SCRIB: variants seen among roughly 807,000 people sequenced by gnomAD.
SCRIB encodes scribble planar cell polarity protein.
Under a neutral mutation model 170.0 loss-of-function variants are expected in SCRIB, and 72 were observed. The observed-to-expected ratio is 0.42, with a 90% confidence interval of 0.35 to 0.52. SCRIB has a LOEUF of 0.52. SCRIB is among the 20% of genes least tolerant of loss of function. The pLI, the probability that SCRIB is intolerant of heterozygous loss-of-function variation, is 0.02. For synonymous variants in SCRIB, 1,298 were observed against 1,044.3 expected (o/e 1.24, Z -4.68); for missense variants, 2,475 against 2,338.5 (o/e 1.06, Z -1.20).
intron 6 of SCRIB, 37 bp downstream of exon 6, chr8:143,813,274 C>T (rs758580140): frequency 9.9e-6 from 16 of 1,611,798 alleles, no homozygotes; most frequent in Admixed American, 3.3e-5. Context: ...TTCCGTGGCC[C>T]GCCCTCCGGT....
intron 9 of SCRIB, 43 bp from the exon 10 acceptor site, chr8:143,811,388 G>C (rs1279008278): frequency 1.3e-6 from 2 of 1,566,128 alleles, no homozygotes; most frequent in African/African-American, 2.7e-5. Flanking sequence ...GGGCTTGCTG[G>C]GGGTGGGAAG....
At position 143,804,751 on chromosome 8, in the gene SCRIB, G is replaced by A. The variant is rs782228848; in HGVS notation, c.2826C>T (p.Ile942=). The change falls in exon 21 of 37, where the codon ATC becomes ATT. Residue 942 remains isoleucine (I), a synonymous_variant. Transcript: ENST00000356994. The stretch of plus-strand genomic sequence containing the variant: ...CAGCCTCCCGCTCCAACAGCAGGGC[G>A]ATGGTGGGGGAGGCAGCGGTCAGCA... ...VSLLTAASPT[I]ALLLEREAGG... 11 of 1,603,838 alleles carry A rather than the reference G, an allele frequency of 6.9e-6. 1 individual carries two copies. Among genetic ancestry groups the A allele is most frequent in the South Asian group, 4.5e-5 (4 of 89,818 alleles).
Position 143,813,983 on chromosome 8 carries a change from C to G in SCRIB, c.277+18G>C. Reference sequence around the variant, plus strand: ...GACACTCCCCAGACCCCACCCAGCCCCTGCCCAGGCTCCCCACCGTTCCGG... The same window carrying G: ...GACACTCCCCAGACCCCACCCAGCCGCTGCCCAGGCTCCCCACCGTTCCGG... On this transcript the variant is annotated intron_variant, in intron 2 of 36. Coordinates refer to ENST00000356994, the MANE Select transcript of SCRIB (RefSeq NM_182706.5). The G allele has an allele frequency of 6.3e-7, 1 of 1,575,016 alleles. No individual in the cohort carries two copies. The highest frequency in any genetic ancestry group is 8.6e-7 in the Non-Finnish European group (1 of 1,158,772).
rs759496742 is a variant in SCRIB, at chr8:143,808,642, C to T, written c.2082G>A (p.Lys694=). ...AGGGCGCAGAAACCACGGCCCCCTCCTTGTCCTCCTCCTCAGTGCTGGCCT... is the reference window on the plus strand; with the variant it reads ...AGGGCGCAGAAACCACGGCCCCCTCTTTGTCCTCCTCCTCAGTGCTGGCCT... ...EEEASTEEED[K]EGAVVSAPSV... Residue 694 remains lysine, a synonymous_variant, in exon 15 of 37, where the codon AAG becomes AAA. Transcript: ENST00000356994. 5.3e-6 allele frequency: 8 copies of T among 1,515,796 alleles called. No homozygotes were observed. The highest frequency in any genetic ancestry group is 1.8e-4 in the Middle Eastern group (1 of 5,580). The allele number at this position is 1,515,796 out of a possible 1,614,324, so 93.9% of individuals were successfully genotyped here. A position where few individuals can be genotyped will look rare whatever the true frequency, so the allele number is the denominator to read the frequency against.
In SCRIB at chr8:143,792,213, G is replaced by A. The variant is rs1297898742; in HGVS notation, c.4514+7C>T. 6 of 1,557,194 alleles carry A rather than the reference G, an allele frequency of 3.9e-6. No homozygotes were observed. In the East Asian group the frequency reaches 1.1e-4, roughly 30 times the overall value. On this transcript the variant is annotated splice_region_variant and intron_variant, in intron 32 of 36. Coordinates refer to ENST00000356994, the MANE Select transcript of SCRIB (RefSeq NM_182706.5). The stretch of plus-strand genomic sequence containing the variant: ...GGGCGGGGTGGCGACCCCACACAGG[G>A]GCTCACCTGGCTGCCCTCCACAGCG...
At chr8:143,811,599 G>A (rs1815725130) in intron 9 of SCRIB, among the ~76,000 whole-genome samples, 2 of 152,206 alleles carry the variant, frequency 1.3e-5, no homozygotes, top group South Asian at 4.1e-4. Context: ...GGTCATCCCT[G>A]ACCCTCTCCC....
rs1348273917 is a variant in SCRIB at position 143,812,975 on chromosome 8, G to C, written c.643-14C>G. ...GTTCCCGAGCTCCTGCAGGTGGGCA[G>C]AGAGTCAGAGCGCGGATGGGCACGA... On this transcript the variant is annotated splice_polypyrimidine_tract_variant and intron_variant, in intron 7 of 36. Transcript: ENST00000356994. 6.2e-7 allele frequency: 1 copy of C among 1,612,470 alleles called. No homozygotes were observed. Among genetic ancestry groups the C allele is most frequent in the African/African-American group, 1.3e-5 (1 of 75,062 alleles).
At position 143,815,425 on chromosome 8, in the gene SCRIB, CG is replaced by C; in HGVS notation, c.-54del. 3 of 1,012,856 alleles carry C rather than the reference CG, an allele frequency of 3.0e-6. No homozygotes were observed. The highest frequency in any genetic ancestry group is 3.6e-6 in the Non-Finnish European group (3 of 831,364). 62.7% of individuals were successfully genotyped at this position (1,012,856 alleles called of 1,614,324 possible). A position where few individuals can be genotyped will look rare whatever the true frequency, so the allele number is the denominator to read the frequency against. ...CGGCGGCGCTCGGCGGGCTCGGGGC[CG>C]GGGGGCGGGGCTCAGTCCGCATGGG... On this transcript the variant is annotated 5_prime_UTR_variant, in exon 1 of 37. Transcript: ENST00000356994.
rs782675745 is a variant in SCRIB at position 143,792,209 on chromosome 8, CAG to C, written c.4514+9_4514+10del. ...AGCAGGGCGGGGTGGCGACCCCACACAGGGGCTCACCTGGCTGCCCTCCACAG... is the reference window on the plus strand; with the variant it reads ...AGCAGGGCGGGGTGGCGACCCCACACGGGCTCACCTGGCTGCCCTCCACAG... On this transcript the variant is annotated intron_variant, in intron 32 of 36. Transcript: ENST00000356994. 5.2e-5 allele frequency: 81 copies of C among 1,555,256 alleles called. No homozygotes were observed. The highest frequency in any genetic ancestry group is 2.8e-4 in the South Asian group (24 of 84,680).
rs970741336 is a variant in SCRIB at position 143,811,000 on chromosome 8, C to T, written c.1179G>A (p.Gln393=). 1 of 1,611,424 alleles carries T rather than the reference C, an allele frequency of 6.2e-7. No homozygotes were observed. The highest frequency in any genetic ancestry group is 8.5e-7 in the Non-Finnish European group (1 of 1,179,370). ...CCTCCGTCTGGAACCGGAGCATGGG[C>T]TGCGCCTGGTTCTCTGCCAGCCACA... ...KALWLAENQA[Q]PMLRFQTEDD... Residue 393 remains glutamine (Q), a synonymous_variant, in exon 11 of 37, where the codon CAG becomes CAA. Coordinates refer to ENST00000356994, the MANE Select transcript of SCRIB (RefSeq NM_182706.5).
intron 18 of SCRIB, 104 bp from the exon 19 acceptor site, chr8:143,805,539 C>T: frequency 3.3e-6 from 4 of 1,230,250 alleles, no homozygotes; most frequent in Non-Finnish European, 4.3e-6. Context: ...GACTGAGGCA[C>T]AGGGCGAGGG....
chr8:143,794,133 C>T (rs1338843210), intron 27 of SCRIB, 171 bp from the exon 28 acceptor site: 2 of 617,842 alleles, frequency 3.2e-6, no homozygotes, highest in African/African-American at 3.7e-5. Flanking sequence ...AGGGGCTCGT[C>T]CCCGTTCCCA....
chr8:143,815,430 G>A lies in SCRIB; in HGVS notation c.-58C>T, dbSNP rs993948612. On this transcript the variant is annotated 5_prime_UTR_variant, in exon 1 of 37. Transcript: ENST00000356994. Reference sequence around the variant, plus strand: ...GCGCTCGGCGGGCTCGGGGCCGGGGGGCGGGGCTCAGTCCGCATGGGCGCC... The same window carrying A: ...GCGCTCGGCGGGCTCGGGGCCGGGGAGCGGGGCTCAGTCCGCATGGGCGCC... The A allele has an allele frequency of 3.3e-5, 40 of 1,215,370 alleles. No individual in the cohort carries two copies. In the East Asian group the frequency reaches 6.9e-4, roughly 21 times the overall value. The allele number at this position is 1,215,370 out of a possible 1,614,324, so 75.3% of individuals were successfully genotyped here. A position where few individuals can be genotyped will look rare whatever the true frequency, so the allele number is the denominator to read the frequency against.
intron 24 of SCRIB, among the ~76,000 whole-genome samples, chr8:143,796,321 G>A (rs1284845649): frequency 6.6e-6 from 1 of 152,188 alleles, no homozygotes; most frequent in Non-Finnish European, 1.5e-5. Context: ...GTGGACACAG[G>A]CATTGCTCAC....
chr8:143,795,211 A>C (rs1814888822), intron 26 of SCRIB, 66 bp downstream of exon 26: 1 of 1,605,866 alleles, frequency 6.2e-7, no homozygotes, highest in African/African-American at 1.3e-5. Context: ...ACTACCCAGC[A>C]CCCCACAGGC....
intron 24 of SCRIB, among the ~76,000 whole-genome samples, chr8:143,799,614 T>C (rs563885218): frequency 6.6e-6 from 1 of 152,198 alleles, no homozygotes; most frequent in Non-Finnish European, 1.5e-5. Flanking sequence ...AGGTCGTTAC[T>C]GAATCAATCC....
chr8:143,813,132 A>C (rs748343113), intron 6 of SCRIB, 28 bp from the exon 7 acceptor site: 1 of 1,570,526 alleles, frequency 6.4e-7, no homozygotes, highest in South Asian at 1.2e-5. Flanking sequence ...GAAAATAGTG[A>C]CTATGAGGCA....
intron 24 of SCRIB, 139 bp downstream of exon 24, chr8:143,803,244 C>A: frequency 1.2e-6 from 1 of 808,484 alleles, no homozygotes. Flanking sequence ...CCAGCCCGCA[C>A]GGCTGATGCA....
In SCRIB at chr8:143,804,595, G is replaced by A. The variant is rs1233538789; in HGVS notation, c.2982C>T (p.Ala994=). 7.9e-6 allele frequency: 12 copies of A among 1,514,350 alleles called. No individual in the cohort carries two copies. Among genetic ancestry groups the A allele is most frequent in the South Asian group, 7.7e-5 (6 of 77,670 alleles). 93.8% of individuals were successfully genotyped at this position (1,514,350 alleles called of 1,614,324 possible). A position where few individuals can be genotyped will look rare whatever the true frequency, so the allele number is the denominator to read the frequency against. Reference sequence around the variant, plus strand: ...CCACTGGGTATGGCCCTTCCAACGCGGCAGCCAGCAGGCTGGGGGCCAGGC... The same window carrying A: ...CCACTGGGTATGGCCCTTCCAACGCAGCAGCCAGCAGGCTGGGGGCCAGGC... ...LPSLAPSLLA[A]ALEGPYPVEE... The change falls in exon 21 of 37, where the codon GCC becomes GCT. Residue 994 remains alanine (A), a synonymous_variant. Transcript: ENST00000356994.
Sources: allele counts gnomAD v4.1 joint callset (sites outside exome capture counted in the v4.1 genomes callset), GRCh38; gene constraint gnomAD v4.1.1; transcripts MANE v1.5; gene names NCBI Gene and HGNC (gene_info 2026-07-23, HGNC 2026-07-21).